PPP1R14D: variants seen among roughly 807,000 people sequenced by gnomAD.
PPP1R14D encodes the protein protein phosphatase 1 regulatory inhibitor subunit 14D.
Under a neutral mutation model 17.1 loss-of-function variants are expected in PPP1R14D, and 14 were observed. The observed-to-expected ratio is 0.82, with a 90% CI of 0.54 to 1.28. PPP1R14D has a LOEUF of 1.28. PPP1R14D is among the 50% of genes most tolerant of loss of function. The probability of loss-of-function intolerance (pLI) is 0.00; values close to 1 mark genes in which losing one functional copy is unlikely to be tolerated. For synonymous variants in PPP1R14D, 67 were observed against 66.1 expected (o/e 1.01, Z -0.06); for missense variants, 173 against 179.2 (o/e 0.97, Z 0.20).
At position 40,815,723 on chromosome 15, in the gene PPP1R14D, G is replaced by T. The variant is rs750712180; in HGVS notation, c.411C>A (p.Leu137=). The change falls in exon 4 of 4, where the codon CTC becomes CTA. Residue 137 remains leucine (L), a synonymous_variant. Transcript: ENST00000299174. ...ATTTCTGAGGCCGGCTGAGTCTCCG[G>T]AGTTTCTTGAGTTGACTGAGCAGCT... ...ISELLSQLKK[L]RRLSRPQK The T allele has an allele frequency of 1.2e-6, 2 of 1,613,548 alleles. No homozygotes were observed. Among genetic ancestry groups the T allele is most frequent in the Non-Finnish European group, 1.7e-6 (2 of 1,179,852 alleles).
Position 40,816,081 on chromosome 15 carries a change from G to A in PPP1R14D, c.340-87C>T. ...AATCTCCCAAGAATTCTCCCCTCTG[G>A]ATTGGTTCTCTGCACTCCACCAAAG... is the stretch of plus-strand genomic sequence containing the variant. On this transcript the variant is annotated intron_variant, in intron 2 of 3. Transcript: ENST00000299174. 2 of 1,603,332 alleles carry A rather than the reference G, an allele frequency of 1.2e-6. 1 individual carries two copies. The highest frequency in any genetic ancestry group is 3.3e-4 in the Middle Eastern group (2 of 6,042).
chr15:40,822,616 A>G (rs1215766680), intron 1 of PPP1R14D, among the ~76,000 whole-genome samples: 1 of 150,694 alleles, frequency 6.6e-6, no homozygotes, highest in East Asian at 2.0e-4. Context: ...ACGTCCTGCT[A>G]ATTTTTGCAT....
intron 1 of PPP1R14D, among the ~76,000 whole-genome samples, chr15:40,821,271 T>C (rs1388157730): frequency 6.6e-6 from 1 of 151,102 alleles, no homozygotes; most frequent in African/African-American, 2.4e-5. Flanking sequence ...GAGGCAGAGG[T>C]TGCAGTGAGC....
chr15:40,815,889 C>T (rs1890650594), intron 3 of PPP1R14D, 73 bp downstream of exon 3: 1 of 1,582,916 alleles, frequency 6.3e-7, no homozygotes, highest in African/African-American at 1.3e-5. Flanking sequence ...GCCTTCCCTT[C>T]AAATACTCCT....
chr15:40,824,485 C>G (rs1306107797), intron 1 of PPP1R14D, among the ~76,000 whole-genome samples: 1 of 152,040 alleles, frequency 6.6e-6, no homozygotes, highest in Non-Finnish European at 1.5e-5. Context: ...ATCCTCCCTC[C>G]TCAGCCTCCC....
intron 1 of PPP1R14D, among the ~76,000 whole-genome samples, chr15:40,820,950 G>A (rs1365292668): frequency 6.6e-6 from 1 of 151,738 alleles, no homozygotes; most frequent in Non-Finnish European, 1.5e-5. Flanking sequence ...TTTGGTGGGG[G>A]TTAAGACAGG....
At position 40,818,461 on chromosome 15, in the gene PPP1R14D, A is replaced by G. The variant is rs575975898; in HGVS notation, c.256-2208T>C. On this transcript the variant is annotated intron_variant, in intron 1 of 3. Transcript: ENST00000299174. Reference sequence around the variant, plus strand: ...TATTCAGTGCAAAAATGAATGAGCTATCAAGCCAGGAAGAGTCATCGAGGA... The same window carrying G: ...TATTCAGTGCAAAAATGAATGAGCTGTCAAGCCAGGAAGAGTCATCGAGGA... Among the ~76,000 whole-genome samples, 6 of 152,306 alleles carry G rather than the reference A, an allele frequency of 3.9e-5. No individual in the cohort carries two copies. In the South Asian group the frequency reaches 1.0e-3, roughly 26 times the overall value.
At chr15:40,819,493 C>T (rs914355680) in intron 1 of PPP1R14D, among the ~76,000 whole-genome samples, 5 of 150,820 alleles carry the variant, frequency 3.3e-5, no homozygotes, top group African/African-American at 1.2e-4. Context: ...GCCAATATCA[C>T]GCCACTGCAC....
intron 1 of PPP1R14D, among the ~76,000 whole-genome samples, chr15:40,821,799 A>G (rs1890782512): frequency 6.6e-6 from 1 of 152,166 alleles, no homozygotes; most frequent in African/African-American, 2.4e-5. Flanking sequence ...GTGGTGGTGC[A>G]TGCCTGTAAC....
chr15:40,824,175 G>T (rs1375820560), intron 1 of PPP1R14D, among the ~76,000 whole-genome samples: 1 of 151,974 alleles, frequency 6.6e-6, no homozygotes, highest in Non-Finnish European at 1.5e-5. Context: ...GTCATGTAGG[G>T]TAGTTTCCTG....
Position 40,828,575 on chromosome 15 carries a change from C to G in PPP1R14D, c.67G>C (p.Val23Leu), listed in dbSNP as rs1252360725. ...CTTCTCCTCCCAGAAGCCCAGTGGA[C>G]CTTCTTACATGGGTTCTCCCCATCT... ...SPDGENPCKKVHWASGRRRTS... is the reference protein window; with the variant it reads ...SPDGENPCKKLHWASGRRRTS... The change falls in exon 1 of 4, where the codon GTC becomes CTC. Residue 23 changes from valine to leucine, a missense_variant. Transcript: ENST00000299174. 6.2e-7 allele frequency: 1 copy of G among 1,614,182 alleles called. No homozygotes were observed. Among genetic ancestry groups the G allele is most frequent in the Non-Finnish European group, 8.5e-7 (1 of 1,180,014 alleles).
chr15:40,815,974 G>C lies in PPP1R14D; in HGVS notation c.360C>G (p.Pro120=), dbSNP rs779819048. Residue 120 remains proline (P), a synonymous_variant, in exon 3 of 4, where the codon CCC becomes CCG. Transcript: ENST00000299174. The part of the protein sequence containing the change: ...TQLEAILGNC[P]RPTEAFISEL... The stretch of plus-strand genomic sequence containing the variant: ...GAACATCCCTTACCTCTGTGGGGCG[G>C]GGGCAGTTCCCAAGAATGGCCTAGA... 5 of 1,614,080 alleles carry C rather than the reference G, an allele frequency of 3.1e-6. No individual in the cohort carries two copies. In the South Asian group the frequency reaches 5.5e-5, roughly 18 times the overall value.
In PPP1R14D at chr15:40,818,410, A is replaced by T. The variant is rs925400160; in HGVS notation, c.256-2157T>A. ...CTTCAGTAGGTGAATGGATAAACAA[A>T]CTGGTATGTCCAGAGAATGGAATAT... On this transcript the variant is annotated intron_variant, in intron 1 of 3. Transcript: ENST00000299174. Among the ~76,000 whole-genome samples the T allele has an allele frequency of 2.6e-5, 4 of 152,104 alleles. No individual in the cohort carries two copies. The East Asian group carries it at 7.7e-4, about 29-fold the overall frequency.
intron 1 of PPP1R14D, among the ~76,000 whole-genome samples, chr15:40,828,096 T>C (rs929534071): frequency 1.3e-5 from 2 of 152,168 alleles, no homozygotes; most frequent in African/African-American, 4.8e-5. Flanking sequence ...ATTGTCTCAT[T>C]TGAGCCTCAG....
intron 1 of PPP1R14D, among the ~76,000 whole-genome samples, chr15:40,822,280 T>C (rs2141987827): frequency 6.6e-6 from 1 of 151,432 alleles, no homozygotes; most frequent in African/African-American, 2.4e-5. Flanking sequence ...AGCCCAAAAG[T>C]TCAAGTCCAG....
At chr15:40,824,033 G>A (rs1890829784) in intron 1 of PPP1R14D, among the ~76,000 whole-genome samples, 1 of 150,626 alleles carries the variant, frequency 6.6e-6, no homozygotes, top group Admixed American at 6.6e-5. Flanking sequence ...CGGCAACCTG[G>A]TGTTGAGAAT....
Position 40,828,164 on chromosome 15 carries a change from T to A in PPP1R14D, c.255+223A>T, listed in dbSNP as rs1890902485. Among the ~76,000 whole-genome samples, 3 of 152,134 alleles carry A rather than the reference T, an allele frequency of 2.0e-5. No homozygotes were observed. The South Asian group carries it at 6.2e-4, about 32-fold the overall frequency. ...ACAGCCCTATTATAGATTAGGGATG[T>A]TAAAAGACCTTCCCCAGATCACAAA... On this transcript the variant is annotated intron_variant, in intron 1 of 3. Transcript: ENST00000299174.
Position 40,828,670 on chromosome 15 carries a change from G to C in PPP1R14D, c.-29C>G. 3 of 1,576,182 alleles carry C rather than the reference G, an allele frequency of 1.9e-6. No homozygotes were observed. Among genetic ancestry groups the C allele is most frequent in the Non-Finnish European group, 2.6e-6 (3 of 1,160,946 alleles). On this transcript the variant is annotated 5_prime_UTR_variant, in exon 1 of 4. Transcript: ENST00000299174. ...AGTATTGGTCTGGGCAAGGAGCTGG[G>C]AAAAACCGCCAGTTCTGAGCAGAGC...
chr15:40,828,239 C>T, intron 1 of PPP1R14D, 148 bp downstream of exon 1: 1 of 1,148,552 alleles, frequency 8.7e-7, no homozygotes, highest in Non-Finnish European at 1.2e-6. Context: ...TTCTGGACTT[C>T]AAACCGATGC....
Sources: gnomAD v4.1 joint callset for allele counts (sites outside exome capture counted in the v4.1 genomes callset) on GRCh38, gnomAD v4.1.1 for gene constraint, MANE v1.5 for transcripts, NCBI Gene and HGNC (gene_info 2026-07-23, HGNC 2026-07-21) for gene names.